TMEM255B: variants seen among roughly 807,000 people sequenced by gnomAD.
The protein encoded by TMEM255B is family with sequence similarity 70, member B.
TMEM255B carries 35 observed loss-of-function variants against 34.5 expected under a neutral mutation model. The ratio of observed to expected loss-of-function variants is 1.01; its 90% CI spans 0.77 to 1.34. The LOEUF is 1.34. Ranked by LOEUF, TMEM255B falls within the 40% of genes most tolerant of loss-of-function variation. The probability of loss-of-function intolerance (pLI) is 0.00; values close to 1 mark genes in which losing one functional copy is unlikely to be tolerated. For synonymous variants in TMEM255B, 206 were observed against 201.2 expected, an observed-to-expected ratio of 1.02 and a Z score of -0.20; for missense variants, 432 against 433.2, an observed-to-expected ratio of 1.00 and a Z score of 0.02.
At chr13:113,782,678 G>GA (rs916878614) in intron 3 of TMEM255B, among the ~76,000 whole-genome samples, 1 of 151,312 alleles carries the variant, frequency 6.6e-6, no homozygotes, top group Non-Finnish European at 1.5e-5. Context: ...TGGTCGGAGG[G>GA]GGGGGCTTCA....
At chr13:113,811,182 G>GAGCCC (rs2051292353) in intron 8 of TMEM255B, among the ~76,000 whole-genome samples, 1 of 119,754 alleles carries the variant, frequency 8.4e-6, no homozygotes. Context: ...GGGTCTGTGG[G>GAGCCC]GTGGGGGCCA....
Position 113,814,783 on chromosome 13 carries a change from A to C in TMEM255B, c.*2880A>C, listed in dbSNP as rs2051384410. 6.9e-6 allele frequency: 1 copy of C among 144,618 alleles called. No individual in the cohort carries two copies. Among genetic ancestry groups the C allele is most frequent in the African/African-American group, 2.6e-5 (1 of 38,992 alleles). The allele number at this position is 144,618 out of a possible 1,614,324, so 9.0% of individuals were successfully genotyped here. A position where few individuals can be genotyped will look rare whatever the true frequency, so the allele number is the denominator to read the frequency against. On this transcript the variant is annotated 3_prime_UTR_variant, in exon 9 of 9. Transcript: ENST00000375353. ...GGGATGGGCTCCCAATCCCGCCCTCACTTGGTTCCCATGCACAGCCGAGGT... is the reference window on the plus strand; with the variant it reads ...GGGATGGGCTCCCAATCCCGCCCTCCCTTGGTTCCCATGCACAGCCGAGGT...
Position 113,766,143 on chromosome 13 carries a change from G to A in TMEM255B, c.75G>A (p.Ser25=), listed in dbSNP as rs367856981. Residue 25 remains serine, a synonymous_variant, in exon 2 of 9, where the codon TCG becomes TCA. Coordinates refer to ENST00000375353, the MANE Select transcript of TMEM255B (RefSeq NM_182614.4). The stretch of plus-strand genomic sequence containing the variant: ...GGCTTTCGAGGAGGAAGAAGACGTC[G>A]CTCTGGTTTGTGGGGTCTCTGCTGC... ...AEGLSRRKKT[S]LWFVGSLLLV... 13 of 1,614,102 alleles carry A rather than the reference G, an allele frequency of 8.1e-6. No individual in the cohort carries two copies. Among genetic ancestry groups the A allele is most frequent in the South Asian group, 4.4e-5 (4 of 91,086 alleles).
In TMEM255B at chr13:113,780,119, C is replaced by T. The variant is rs571425607; in HGVS notation, c.252+10959C>T. On this transcript the variant is annotated intron_variant, in intron 3 of 8. Transcript: ENST00000375353. ...ACCTATGAGTTGGGTGAATTCCTCT[C>T]CTGTTGAGGTTCCTGGCCTGTCAGA... Among the ~76,000 whole-genome samples, 11 of 152,326 alleles carry T rather than the reference C, an allele frequency of 7.2e-5. No individual in the cohort carries two copies. The South Asian group carries it at 2.3e-3, about 32-fold the overall frequency.
chr13:113,789,925 C>T (rs997224584), intron 3 of TMEM255B, among the ~76,000 whole-genome samples: 5 of 152,070 alleles, frequency 3.3e-5, no homozygotes, highest in Non-Finnish European at 7.4e-5. Context: ...TGAACAGGCA[C>T]GTGGACATCC....
At position 113,799,243 on chromosome 13, in the gene TMEM255B, GC is replaced by G. The variant is rs971352601; in HGVS notation, c.343-93del. On this transcript the variant is annotated intron_variant, in intron 4 of 8. Coordinates refer to ENST00000375353, the MANE Select transcript of TMEM255B (RefSeq NM_182614.4). ...GTTGGTGTTGGCCTTGGTCCTTGAGGCCCTGAGCCTGAGACCCACAGGCCTG... is the reference window on the plus strand; with the variant it reads ...GTTGGTGTTGGCCTTGGTCCTTGAGGCCTGAGCCTGAGACCCACAGGCCTG... The G allele has an allele frequency of 2.9e-5, 34 of 1,167,868 alleles. No homozygotes were observed. In the African/African-American group the frequency reaches 4.8e-4, roughly 17 times the overall value. 72.3% of individuals were successfully genotyped at this position (1,167,868 alleles called of 1,614,324 possible).
At chr13:113,761,104 G>T in intron 1 of TMEM255B, 1 of 834,116 alleles carries the variant, frequency 1.2e-6, no homozygotes, top group Middle Eastern at 6.0e-4. Flanking sequence ...ACGGCTGAGT[G>T]ATTACAGTTT....
At position 113,801,900 on chromosome 13, in the gene TMEM255B, C is replaced by T. The variant is rs2051073076; in HGVS notation, c.669+88C>T. On this transcript the variant is annotated intron_variant, in intron 7 of 8. Transcript: ENST00000375353. ...CGGGGTGGGCTGGGGGGCCTCCAGC[C>T]CTCACTTTACAGATGGGGCACTGAA... is the stretch of plus-strand genomic sequence containing the variant. 16 of 1,398,570 alleles carry T rather than the reference C, an allele frequency of 1.1e-5. No homozygotes were observed. The South Asian group carries it at 2.1e-4, about 18-fold the overall frequency. 86.6% of individuals were successfully genotyped at this position (1,398,570 alleles called of 1,614,324 possible).
intron 3 of TMEM255B, among the ~76,000 whole-genome samples, chr13:113,780,498 G>A (rs971821335): frequency 6.6e-6 from 1 of 152,186 alleles, no homozygotes; most frequent in South Asian, 2.1e-4. Flanking sequence ...TCAATAGCTC[G>A]CAAGACGTTT....
At chr13:113,782,619 C>G (rs1167252769) in intron 3 of TMEM255B, among the ~76,000 whole-genome samples, 1 of 151,302 alleles carries the variant, frequency 6.6e-6, no homozygotes, top group African/African-American at 2.4e-5. Context: ...TCCGGGCACC[C>G]TCAGTCCTCC....
rs140915431 is a variant in TMEM255B at position 113,787,561 on chromosome 13, CCT to C, written c.253-7586_253-7585del. Among the ~76,000 whole-genome samples the C allele has an allele frequency of 5.8e-3, 877 of 151,962 alleles. 9 individuals are homozygous for C. The highest frequency in any genetic ancestry group is 0.02 in the African/African-American group (846 of 41,434). On this transcript the variant is annotated intron_variant, in intron 3 of 8. Transcript: ENST00000375353. Reference sequence around the variant, plus strand: ...GACAGTGGCGACCATGTGGGGAGCCCCTGAGTTTTGTGGTTCTGGGACACCCG... The same window carrying C: ...GACAGTGGCGACCATGTGGGGAGCCCGAGTTTTGTGGTTCTGGGACACCCG...
At chr13:113,803,415 C>T (rs749920676) in intron 7 of TMEM255B, 9 of 148,448 alleles carry the variant, frequency 6.1e-5, no homozygotes, top group South Asian at 2.1e-4. Flanking sequence ...CCAAGCTGGA[C>T]GTGCCCTTCG....
At position 113,812,817 on chromosome 13, in the gene TMEM255B, G is replaced by GCA. The variant is rs1227505046; in HGVS notation, c.*914_*915insCA. 7 of 143,936 alleles carry GCA rather than the reference G, an allele frequency of 4.9e-5. No individual in the cohort carries two copies. The highest frequency in any genetic ancestry group is 1.9e-4 in the African/African-American group (7 of 36,572). The allele number at this position is 143,936 out of a possible 1,614,324, so 8.9% of individuals were successfully genotyped here. ...AGGACAGGTCTCAGGTGGGTCACAGGTCCTGAGTGGGTCACAGGTCCCGGG... is the reference window on the plus strand; with the variant it reads ...AGGACAGGTCTCAGGTGGGTCACAGGCATCCTGAGTGGGTCACAGGTCCCGGG... On this transcript the variant is annotated 3_prime_UTR_variant, in exon 9 of 9. Transcript: ENST00000375353.
rs146683050 is a variant in TMEM255B, at chr13:113,801,591, A to T, written c.510-62A>T. ...GCAGGGCTCAGGTCCAGAGGACACA[A>T]GTTTAACTTGCGGGTGGTCACTTGC... On this transcript the variant is annotated intron_variant, in intron 6 of 8. Transcript: ENST00000375353. 4.5e-4 allele frequency: 680 copies of T among 1,521,388 alleles called. 3 individuals carry two copies. The African/African-American group carries it at 8.4e-3, about 19-fold the overall frequency. The allele number at this position is 1,521,388 out of a possible 1,614,324, so 94.2% of individuals were successfully genotyped here.
chr13:113,799,819 T>G, intron 5 of TMEM255B: 1 of 628,956 alleles, frequency 1.6e-6, no homozygotes, highest in Non-Finnish European at 3.0e-6. Context: ...TCTTTCCAGG[T>G]GAGTGAGATG....
chr13:113,802,502 G>A (rs2051084127), intron 7 of TMEM255B, among the ~76,000 whole-genome samples: 1 of 152,200 alleles, frequency 6.6e-6, no homozygotes, highest in Admixed American at 6.5e-5. Flanking sequence ...CCAAACGGCA[G>A]CCCAGGGACG....
At chr13:113,791,198 T>G (rs769522608) in intron 3 of TMEM255B, among the ~76,000 whole-genome samples, 2 of 152,276 alleles carry the variant, frequency 1.3e-5, no homozygotes, top group Non-Finnish European at 2.9e-5. Flanking sequence ...ATGGCATTCA[T>G]GAGGGGTTAC....
At chr13:113,785,881 G>C (rs2050732841) in intron 3 of TMEM255B, among the ~76,000 whole-genome samples, 1 of 152,164 alleles carries the variant, frequency 6.6e-6, no homozygotes, top group South Asian at 2.1e-4. Flanking sequence ...GACACTCCCG[G>C]AGCCAGATGC....
intron 8 of TMEM255B, among the ~76,000 whole-genome samples, chr13:113,808,725 G>A (rs530840802): frequency 3.9e-4 from 58 of 147,384 alleles, no homozygotes; most frequent in African/African-American, 1.4e-3. Flanking sequence ...TGTGGTTCCT[G>A]GGGGTTTACT....
Sources: gnomAD v4.1 joint callset for allele counts (sites outside exome capture counted in the v4.1 genomes callset) on GRCh38, gnomAD v4.1.1 for gene constraint, MANE v1.5 for transcripts, NCBI Gene and HGNC (gene_info 2026-07-23, HGNC 2026-07-21) for gene names.